The following PCDH19 variants were observed in gnomAD, a reference collection of about 807,000 sequenced individuals.
The protein encoded by PCDH19 is protocadherin 19, also known as protocadherin-19.
PCDH19 carries 6 observed loss-of-function variants against 46.2 expected under a neutral mutation model. The ratio of observed to expected loss-of-function variants is 0.13; its 90% CI spans 0.07 to 0.26. The LOEUF is 0.26. Ranked by LOEUF, PCDH19 falls within the 10% of genes least tolerant of loss-of-function variation. The probability of loss-of-function intolerance (pLI) is 1.00; values close to 1 mark genes in which losing one functional copy is unlikely to be tolerated. For synonymous variants in PCDH19, 481 were observed against 415.7 expected, an observed-to-expected ratio of 1.16 and a Z score of -1.91; for missense variants, 740 against 972.3, an observed-to-expected ratio of 0.76 and a Z score of 3.18.
intron 3 of PCDH19, among the ~76,000 whole-genome samples, chrX:100,393,497 TAC>T (rs57070852): frequency 0.049 from 4,376 of 90,009 alleles, 126 homozygotes; most frequent in African/African-American, 0.081. Context: ...CATACATACA[TAC>T]ACACACACAC....
At chrX:100,341,574 A>G (rs1017148384) in intron 5 of PCDH19, among the ~76,000 whole-genome samples, 4 of 112,089 alleles carry the variant, frequency 3.6e-5, no homozygotes, top group African/African-American at 9.7e-5. Context: ...TACTAAAGCA[A>G]AAATAGGCAT....
In PCDH19 at chrX:100,344,992, G is replaced by A. The variant is rs145577736; in HGVS notation, c.2676-2917C>T. Among the ~76,000 whole-genome samples the A allele has an allele frequency of 4.9e-3, 541 of 109,869 alleles. 5 individuals carry two copies. The highest frequency in any genetic ancestry group is 0.017 in the African/African-American group (516 of 30,152). ...TGTAGTAAAGAGCACTGAACTTGGA[G>A]TCATTAGGACAAGTAATAATCTATA... On this transcript the variant is annotated intron_variant, in intron 4 of 5. Coordinates refer to ENST00000373034, the MANE Select transcript of PCDH19 (RefSeq NM_001184880.2).
rs181959946 is a variant in PCDH19, at chrX:100,291,874, T to C, written c.*4403A>G. 4.8e-4 allele frequency: 54 copies of C among 113,014 alleles called. No individual in the cohort carries two copies. Among genetic ancestry groups the C allele is most frequent in the African/African-American group, 1.6e-3 (51 of 31,074 alleles). 9.3% of individuals were successfully genotyped at this position (113,014 alleles called of 1,213,427 possible). On this transcript the variant is annotated 3_prime_UTR_variant, in exon 6 of 6. Coordinates refer to ENST00000373034, the MANE Select transcript of PCDH19 (RefSeq NM_001184880.2). ...TCTTTTTACAATGATTCAATCACTGTGAAAATGTACATAACATACAGATCA... is the reference window on the plus strand; with the variant it reads ...TCTTTTTACAATGATTCAATCACTGCGAAAATGTACATAACATACAGATCA...
intron 5 of PCDH19, among the ~76,000 whole-genome samples, chrX:100,309,600 T>G (rs924625004): frequency 4.8e-4 from 54 of 111,877 alleles, no homozygotes; most frequent in South Asian, 1.9e-3. Flanking sequence ...CAGATTTTTT[T>G]GGGTCACATA....
intron 3 of PCDH19, among the ~76,000 whole-genome samples, chrX:100,399,371 G>A (rs1405089475): frequency 1.8e-5 from 2 of 111,462 alleles, no homozygotes; most frequent in Non-Finnish European, 3.8e-5. Flanking sequence ...CCCTATATTA[G>A]CATTTATTAC....
intron 3 of PCDH19, among the ~76,000 whole-genome samples, chrX:100,365,804 A>T (rs1927053611): frequency 8.9e-6 from 1 of 111,990 alleles, no homozygotes; most frequent in Non-Finnish European, 1.9e-5. Context: ...GCAGCTGGTT[A>T]TTGGAAACTC....
In PCDH19 at chrX:100,311,505, A is replaced by G. The variant is rs771877207; in HGVS notation, c.2849-14630T>C. On this transcript the variant is annotated intron_variant, in intron 5 of 5. Transcript: ENST00000373034. Reference sequence around the variant, plus strand: ...TCAGTTTTGTAGAATAGGCCATACTATACATGAGTCCATGAAAAATGTTGC... The same window carrying G: ...TCAGTTTTGTAGAATAGGCCATACTGTACATGAGTCCATGAAAAATGTTGC... Among the ~76,000 whole-genome samples, 3 of 111,783 alleles carry G rather than the reference A, an allele frequency of 2.7e-5. No individual in the cohort carries two copies. The South Asian group carries it at 1.1e-3, about 42-fold the overall frequency.
chrX:100,409,643 G>A lies in PCDH19; in HGVS notation c.-1046C>T, dbSNP rs954561721. 6.7e-5 allele frequency: 13 copies of A among 193,601 alleles called. No individual in the cohort carries two copies. The highest frequency in any genetic ancestry group is 1.1e-4 in the Non-Finnish European group (12 of 108,895). 16.0% of individuals were successfully genotyped at this position (193,601 alleles called of 1,213,427 possible). Reference sequence around the variant, plus strand: ...AACAACAGTACCGGCCAGGAGAGGCGGGGCCGCCGCCGTGGGTACCGGGTG... The same window carrying A: ...AACAACAGTACCGGCCAGGAGAGGCAGGGCCGCCGCCGTGGGTACCGGGTG... On this transcript the variant is annotated 5_prime_UTR_variant, in exon 1 of 6. Transcript: ENST00000373034.
chrX:100,342,222 GCTTAAAGATAATAAAA>G (rs1926273848), intron 4 of PCDH19, 147 bp from the exon 5 acceptor site: 1 of 531,272 alleles, frequency 1.9e-6, no homozygotes, highest in African/African-American at 2.3e-5. Flanking sequence ...AGAAATTTGT[GCTTAAAGATAATAAAA>G]CTTAACATTG....
chrX:100,312,119 GAGA>G (rs1465068999), intron 5 of PCDH19, among the ~76,000 whole-genome samples: 2 of 99,591 alleles, frequency 2.0e-5, no homozygotes, highest in Non-Finnish European at 4.3e-5. Context: ...GAGAGAGAGA[GAGA>G]AGAGAGAAGA....
At chrX:100,404,147 G>A (rs1441465464) in intron 1 of PCDH19, among the ~76,000 whole-genome samples, 1 of 111,766 alleles carries the variant, frequency 8.9e-6, no homozygotes, top group African/African-American at 3.3e-5. Flanking sequence ...CACATGGAAA[G>A]ACACGCTCCT....
In PCDH19 at chrX:100,292,366, T is replaced by TG. The variant is rs1924453180; in HGVS notation, c.*3910dup. On this transcript the variant is annotated 3_prime_UTR_variant, in exon 6 of 6. Coordinates refer to ENST00000373034, the MANE Select transcript of PCDH19 (RefSeq NM_001184880.2). ...ACAATGCTTTCCAATCAAGATCAGG[T>TG]GTTTGTGGGTTATTCTTTACCAAGA... The TG allele has an allele frequency of 8.9e-6, 1 of 112,901 alleles. No individual in the cohort carries two copies. The highest frequency in any genetic ancestry group is 1.9e-5 in the Non-Finnish European group (1 of 53,326). The allele number at this position is 112,901 out of a possible 1,213,427, so 9.3% of individuals were successfully genotyped here. A position where few individuals can be genotyped will look rare whatever the true frequency, so the allele number is the denominator to read the frequency against.
chrX:100,387,196 G>A (rs1927741396), intron 3 of PCDH19, among the ~76,000 whole-genome samples: 3 of 111,889 alleles, frequency 2.7e-5, no homozygotes, highest in Admixed American at 1.9e-4. Context: ...TTAAAGAGGT[G>A]TTCCAAAGGA....
intron 5 of PCDH19, among the ~76,000 whole-genome samples, chrX:100,298,813 T>C (rs1924693427): frequency 8.9e-6 from 1 of 111,757 alleles, no homozygotes. Context: ...TTGTGTAGAC[T>C]AAACAGTATG....
At chrX:100,403,488 C>G (rs1287700032) in intron 2 of PCDH19, 36 bp downstream of exon 2, 8 of 1,189,943 alleles carry the variant, frequency 6.7e-6, no homozygotes, top group Non-Finnish European at 9.1e-6. Flanking sequence ...AATCTAATAG[C>G]CAAACCCATT....
chrX:100,406,616 T>C lies in PCDH19; in HGVS notation c.1982A>G (p.Tyr661Cys). 1 of 1,211,151 alleles carries C rather than the reference T, an allele frequency of 8.3e-7. No individual in the cohort carries two copies. The change falls in exon 1 of 6, where the codon TAC (tyrosine) becomes TGC (cysteine). Residue 661 changes from tyrosine to cysteine, a missense_variant. By Grantham distance (194) the Tyr-to-Cys change is radical. Around this residue, in one of 5 missense-constraint regions of PCDH19, gnomAD observed 416 missense variants for 476.8 expected, o/e 0.87. Transcript: ENST00000373034. ...TTGGGCATCGAGAGCAGGGGACAAG[T>C]AGATTAGGACGAGAGCAGAGGCAGA... ...SLSASALVLI[Y>C]LSPALDAQES... is the part of the protein sequence containing the mutation.
At chrX:100,356,350 A>G (rs1295679941) in intron 3 of PCDH19, among the ~76,000 whole-genome samples, 2 of 111,677 alleles carry the variant, frequency 1.8e-5, no homozygotes, top group African/African-American at 6.5e-5. Context: ...ACTTCCAATA[A>G]TGATAATTGT....
chrX:100,322,793 C>T (rs1209321291), intron 5 of PCDH19, among the ~76,000 whole-genome samples: 1 of 93,438 alleles, frequency 1.1e-5, no homozygotes, highest in Admixed American at 1.2e-4. Context: ...TAGTTTTCCT[C>T]GTAGAGGTGT....
rs754585820 is a variant in PCDH19 at position 100,387,374 on chromosome X, C to T, written c.2616+15150G>A. ...TTTAAAATTTTTAGCATCTCAATGA[C>T]CACCAAATCATTGACTCCTTCTTTT... On this transcript the variant is annotated intron_variant, in intron 3 of 5. Transcript: ENST00000373034. 6.3e-5 allele frequency among the ~76,000 whole-genome samples: 7 copies of T among 111,764 alleles called. No homozygotes were observed. In the South Asian group the frequency reaches 2.6e-3, roughly 42 times the overall value.
Sources: allele counts gnomAD v4.1 joint callset (sites outside exome capture counted in the v4.1 genomes callset), GRCh38; gene constraint gnomAD v4.1.1; regional missense constraint gnomAD v4.1.1; transcripts MANE v1.5; gene names NCBI Gene and HGNC (gene_info 2026-07-23, HGNC 2026-07-21).